Variants in SLAIN2 observed in about 807,000 individuals in gnomAD.
The protein encoded by SLAIN2 is SLAIN family member 2, also known as SLAIN motif-containing protein 2.
A neutral mutation model predicts 56.6 loss-of-function variants in SLAIN2; 31 were observed. The ratio of observed to expected loss-of-function variants is 0.55; its 90% CI spans 0.41 to 0.74. The LOEUF is 0.74. Among genes scored for constraint, SLAIN2 ranks in the 30% least tolerant of loss-of-function variants. The pLI is 0.00. For synonymous variants in SLAIN2, 317 were observed against 284.9 expected (o/e 1.11, Z -1.13); for missense variants, 777 against 754.2 (o/e 1.03, Z -0.35).
At chr4:48,353,482 CTT>C (rs923309733) in intron 1 of SLAIN2, among the ~76,000 whole-genome samples, 1 of 151,456 alleles carries the variant, frequency 6.6e-6, no homozygotes, top group African/African-American at 2.4e-5. Flanking sequence ...AAAAAGGAAA[CTT>C]TTTTTTTCCT....
In SLAIN2 at chr4:48,378,044, A is replaced by T. The variant is rs1715874179; in HGVS notation, c.687A>T (p.Ile229=). ...GACCTCCTATAGTCAAACAGCTTAT[A>T]CTTCCTGGAAATTCAGGTAAGGAGA... ...PVRPPIVKQL[I]LPGNSGNLKS... is the part of the protein sequence containing the mutation. The change falls in exon 3 of 8, where the codon ATA becomes ATT. Residue 229 remains isoleucine (I), a synonymous_variant. Transcript: ENST00000264313. 6.2e-7 allele frequency: 1 copy of T among 1,612,726 alleles called. No homozygotes were observed. The highest frequency in any genetic ancestry group is 8.5e-7 in the Non-Finnish European group (1 of 1,179,608).
intron 6 of SLAIN2, among the ~76,000 whole-genome samples, chr4:48,416,570 T>A (rs1367325745): frequency 5.3e-5 from 8 of 150,684 alleles, no homozygotes; most frequent in African/African-American, 7.3e-5. Flanking sequence ...CCTGCCTGAT[T>A]GCCCTGGCCA....
At chr4:48,412,638 A>G (rs1045323961) in intron 6 of SLAIN2, among the ~76,000 whole-genome samples, 8 of 152,164 alleles carry the variant, frequency 5.3e-5, no homozygotes, top group Non-Finnish European at 1.0e-4. Flanking sequence ...ATGCATTCAT[A>G]TATATCTTTT....
intron 1 of SLAIN2, among the ~76,000 whole-genome samples, chr4:48,360,966 A>T (rs1023180172): frequency 3.3e-5 from 5 of 152,220 alleles, no homozygotes; most frequent in Admixed American, 6.5e-5. Flanking sequence ...TCTCTTTTCA[A>T]ATTATAAATA....
intron 1 of SLAIN2, among the ~76,000 whole-genome samples, chr4:48,369,502 C>T (rs1715611196): frequency 6.6e-6 from 1 of 152,136 alleles, no homozygotes; most frequent in Non-Finnish European, 1.5e-5. Flanking sequence ...TTAGCTCCTT[C>T]TTCTGCTTCC....
At chr4:48,364,468 C>T (rs368050961) in intron 1 of SLAIN2, among the ~76,000 whole-genome samples, 1,212 of 44,762 alleles carry the variant, frequency 0.027, 10 homozygotes, top group Middle Eastern at 0.081. Context: ...ACTTCCCAGA[C>T]GGGGTGGCGG....
chr4:48,368,428 G>A (rs993937784), intron 1 of SLAIN2, among the ~76,000 whole-genome samples: 1 of 152,158 alleles, frequency 6.6e-6, no homozygotes, highest in African/African-American at 2.4e-5. Context: ...TAGTACATGT[G>A]AGCCATGTGG....
chr4:48,371,485 A>T (rs1452845438), intron 2 of SLAIN2, among the ~76,000 whole-genome samples: 1 of 152,188 alleles, frequency 6.6e-6, no homozygotes, highest in African/African-American at 2.4e-5. Context: ...AGTTATATTC[A>T]TAAGAGATTA....
intron 6 of SLAIN2, among the ~76,000 whole-genome samples, chr4:48,413,538 G>A (rs1310112265): frequency 1.3e-5 from 2 of 152,126 alleles, no homozygotes; most frequent in African/African-American, 2.4e-5. Flanking sequence ...ACTTGTGTCA[G>A]TAAATTGTGA....
intron 1 of SLAIN2, among the ~76,000 whole-genome samples, chr4:48,357,324 G>A (rs1308614607): frequency 1.3e-5 from 2 of 151,926 alleles, no homozygotes; most frequent in Non-Finnish European, 2.9e-5. Flanking sequence ...TAGTTGGTAA[G>A]GCTTAAGAGA....
intron 6 of SLAIN2, among the ~76,000 whole-genome samples, chr4:48,408,185 A>G (rs1251960001): frequency 2.0e-5 from 3 of 151,930 alleles, no homozygotes; most frequent in Admixed American, 6.6e-5. Context: ...AATAAAATAG[A>G]CAGGCATGGT....
chr4:48,408,306 A>T (rs1311824776), intron 6 of SLAIN2, among the ~76,000 whole-genome samples: 1 of 152,046 alleles, frequency 6.6e-6, no homozygotes, highest in Non-Finnish European at 1.5e-5. Flanking sequence ...CAGCTTGGGC[A>T]ACAGAGCAAG....
chr4:48,411,185 A>G (rs1332113592), intron 6 of SLAIN2, among the ~76,000 whole-genome samples: 1 of 152,146 alleles, frequency 6.6e-6, no homozygotes, highest in African/African-American at 2.4e-5. Flanking sequence ...GAAGGGGAGG[A>G]TAAGTAGGCT....
At position 48,341,663 on chromosome 4, in the gene SLAIN2, G is replaced by A; in HGVS notation, c.-77G>A. The A allele has an allele frequency of 6.7e-7, 1 of 1,482,802 alleles. No individual in the cohort carries two copies. The allele number at this position is 1,482,802 out of a possible 1,614,324, so 91.9% of individuals were successfully genotyped here. ...CTCGGCTAGAGTGAGCGGCGGCGAC[G>A]CCTCTTTCCTCCGTCTCTTTCCCTG... is the stretch of plus-strand genomic sequence containing the variant. On this transcript the variant is annotated 5_prime_UTR_variant, in exon 1 of 8. Transcript: ENST00000264313.
At chr4:48,385,528 A>G (rs896245952) in intron 6 of SLAIN2, among the ~76,000 whole-genome samples, 27 of 152,222 alleles carry the variant, frequency 1.8e-4, no homozygotes, top group African/African-American at 5.8e-4. Flanking sequence ...TCTCAAGGCT[A>G]TGAAGAAGTG....
In SLAIN2 at chr4:48,406,401, A is replaced by T. The variant is rs1338924472; in HGVS notation, c.1361-13724A>T. Among the ~76,000 whole-genome samples, 133 of 152,296 alleles carry T rather than the reference A, an allele frequency of 8.7e-4. 1 individual carries two copies. The highest frequency in any genetic ancestry group is 3.0e-3 in the African/African-American group (123 of 41,566). On this transcript the variant is annotated intron_variant, in intron 6 of 7. Transcript: ENST00000264313. ...TTATTTCTTAGCAACACATAGAATTAGAATATCATAATAATTTGTTTTGTC... is the reference window on the plus strand; with the variant it reads ...TTATTTCTTAGCAACACATAGAATTTGAATATCATAATAATTTGTTTTGTC...
chr4:48,417,800 A>G (rs921943494), intron 6 of SLAIN2, among the ~76,000 whole-genome samples: 1 of 150,906 alleles, frequency 6.6e-6, no homozygotes, highest in African/African-American at 2.4e-5. Flanking sequence ...AAATTCAACA[A>G]CCCTTCATGC....
chr4:48,346,136 T>C (rs1714858810), intron 1 of SLAIN2, among the ~76,000 whole-genome samples: 1 of 152,256 alleles, frequency 6.6e-6, no homozygotes, highest in African/African-American at 2.4e-5. Flanking sequence ...ATGAATGTTC[T>C]AGCATTTCAT....
chr4:48,399,126 C>G (rs189449089), intron 6 of SLAIN2, among the ~76,000 whole-genome samples: 7 of 152,290 alleles, frequency 4.6e-5, no homozygotes. Context: ...TTGATTCTTC[C>G]TATCCATGAG....
Sources: allele counts gnomAD v4.1 joint callset (sites outside exome capture counted in the v4.1 genomes callset), GRCh38; gene constraint gnomAD v4.1.1; transcripts MANE v1.5; gene names NCBI Gene and HGNC (gene_info 2026-07-23, HGNC 2026-07-21).